FBLN1: variants seen among roughly 807,000 people sequenced by gnomAD.
FBLN1 encodes the protein fibulin 1.
Under a neutral mutation model 89.7 loss-of-function variants are expected in FBLN1, and 34 were observed. The ratio of observed to expected loss-of-function variants is 0.38; its 90% CI spans 0.29 to 0.50. FBLN1 has a LOEUF of 0.50. FBLN1 is among the 20% of genes least tolerant of loss of function. The pLI is 0.92. For synonymous variants in FBLN1, 393 were observed against 391.3 expected (o/e 1.00, Z -0.05); for missense variants, 777 against 988.1 (o/e 0.79, Z 2.86).
intron 16 of FBLN1, among the ~76,000 whole-genome samples, chr22:45,593,958 C>T (rs1323575299): frequency 6.6e-6 from 1 of 152,204 alleles, no homozygotes; most frequent in Non-Finnish European, 1.5e-5. Flanking sequence ...TGAGCGTCCC[C>T]TGCAATGAGC....
intron 2 of FBLN1, among the ~76,000 whole-genome samples, chr22:45,519,490 G>T (rs2088218765): frequency 6.6e-6 from 1 of 151,984 alleles, no homozygotes; most frequent in Non-Finnish European, 1.5e-5. Context: ...TGGGCGTGGT[G>T]GCATGCGCCT....
rs768588143 is a variant in FBLN1 at position 45,600,321 on chromosome 22, G to A, written c.1987G>A (p.Val663Met). 2 of 1,614,208 alleles carry A rather than the reference G, an allele frequency of 1.2e-6. No homozygotes were observed. The highest frequency in any genetic ancestry group is 2.2e-5 in the East Asian group (1 of 44,884). Residue 663 changes from valine to methionine, a missense_variant, in exon 17 of 17, where the codon GTG becomes ATG. Physicochemically the swap from Val to Met is conservative, Grantham distance 21. Coordinates refer to ENST00000327858, the MANE Select transcript of FBLN1 (RefSeq NM_006486.3). ...TCTCTCCGCAGGTGTCGTGCGCCAG[G>A]TGCGGCCCATCGTGGGCCCATTTCA... ...DGMTVGVVRQ[V>M]RPIVGPFHAV... is the part of the protein sequence containing the mutation.
intron 14 of FBLN1, among the ~76,000 whole-genome samples, chr22:45,573,696 A>AAAAAC (rs1380318945): frequency 1.3e-5 from 2 of 149,762 alleles, no homozygotes; most frequent in African/African-American, 2.4e-5. Flanking sequence ...AAAAAAAAAA[A>AAAAAC]AAAAACCCAA....
At position 45,531,364 on chromosome 22, in the gene FBLN1, A is replaced by G. The variant is rs1187562540; in HGVS notation, c.544+40A>G. 3 of 1,583,234 alleles carry G rather than the reference A, an allele frequency of 1.9e-6. No homozygotes were observed. Among genetic ancestry groups the G allele is most frequent in the Non-Finnish European group, 2.6e-6 (3 of 1,152,276 alleles). The stretch of plus-strand genomic sequence containing the variant: ...TCTCCCATCAGTTGGTATTTAAACA[A>G]ACCCCAAGGGGCCAGCAAGGTGGCT... On this transcript the variant is annotated intron_variant, in intron 5 of 16. Coordinates refer to ENST00000327858, the MANE Select transcript of FBLN1 (RefSeq NM_006486.3). The surrounding 1 kb of genome is among the most constrained non-coding windows in gnomAD (Gnocchi z 4.9).
chr22:45,549,072 G>A lies in FBLN1; in HGVS notation c.1573+328G>A, dbSNP rs1049651845. ...AACAGAGGCCTTTAGGAAGATGCCC[G>A]CCAGGGAGGAAGCAGTCCAGGCCAG... On this transcript the variant is annotated intron_variant, in intron 13 of 16. Transcript: ENST00000327858. The surrounding 1 kb of genome is among the most constrained non-coding windows in gnomAD (Gnocchi z 5.7). 3.9e-5 allele frequency among the ~76,000 whole-genome samples: 6 copies of A among 152,184 alleles called. No homozygotes were observed. The highest frequency in any genetic ancestry group is 7.4e-5 in the Non-Finnish European group (5 of 68,020).
intron 14 of FBLN1, among the ~76,000 whole-genome samples, chr22:45,560,651 C>G (rs903302112): frequency 2.6e-5 from 4 of 152,220 alleles, no homozygotes; most frequent in African/African-American, 9.6e-5. Flanking sequence ...TAATCCAACG[C>G]TATGTTCCTT....
At position 45,600,954 on chromosome 22, in the gene FBLN1, A is replaced by C. The variant is rs1318627920; in HGVS notation, c.*508A>C. On this transcript the variant is annotated 3_prime_UTR_variant, in exon 17 of 17. Coordinates refer to ENST00000327858, the MANE Select transcript of FBLN1 (RefSeq NM_006486.3). ...AGCATGACAGAATGCCTCGGGGAGC[A>C]CTTGGAAGGGAAATTGCAGTTCTGT... The C allele has an allele frequency of 1.6e-5, 3 of 185,602 alleles. No individual in the cohort carries two copies. Among genetic ancestry groups the C allele is most frequent in the African/African-American group, 7.2e-5 (3 of 41,862 alleles). The allele number at this position is 185,602 out of a possible 1,614,324, so 11.5% of individuals were successfully genotyped here. A position where few individuals can be genotyped will look rare whatever the true frequency, so the allele number is the denominator to read the frequency against.
At position 45,576,756 on chromosome 22, in the gene FBLN1, T is replaced by C. The variant is rs2089000616; in HGVS notation, c.1841-221T>C. ...AGGAAGATCCAAAATCTCTCCTGAC[T>C]TCAGTTTCCCCTGCTATAAAACAGG... On this transcript the variant is annotated intron_variant, in intron 15 of 16. Coordinates refer to ENST00000327858, the MANE Select transcript of FBLN1 (RefSeq NM_006486.3). The surrounding 1 kb of genome is among the most constrained non-coding windows in gnomAD (Gnocchi z 5.2). Among the ~76,000 whole-genome samples, 1 of 152,196 alleles carries C rather than the reference T, an allele frequency of 6.6e-6. No individual in the cohort carries two copies. The highest frequency in any genetic ancestry group is 1.5e-5 in the Non-Finnish European group (1 of 68,044).
chr22:45,527,735 T>G (rs2088348105), intron 3 of FBLN1, 112 bp from the exon 4 acceptor site: 1 of 1,103,514 alleles, frequency 9.1e-7, no homozygotes, highest in East Asian at 2.4e-5. Context: ...GAGTCATCAC[T>G]CTACAGGTTG....
chr22:45,571,729 A>T (rs1193420486), intron 14 of FBLN1, among the ~76,000 whole-genome samples: 1 of 152,194 alleles, frequency 6.6e-6, no homozygotes, highest in Non-Finnish European at 1.5e-5. Context: ...CTCTTGGTGT[A>T]TATTAGTTTT....
intron 2 of FBLN1, among the ~76,000 whole-genome samples, chr22:45,520,002 T>G (rs1433869477): frequency 6.6e-6 from 1 of 152,088 alleles, no homozygotes; most frequent in Non-Finnish European, 1.5e-5. Context: ...AAACCCCGTC[T>G]CTACTAAAAA....
intron 9 of FBLN1, 109 bp downstream of exon 9, chr22:45,541,481 T>C: frequency 7.2e-7 from 1 of 1,394,320 alleles, no homozygotes; most frequent in Non-Finnish European, 9.9e-7. Context: ...GCCATTTCTA[T>C]CAGCCCATCC....
intron 3 of FBLN1, among the ~76,000 whole-genome samples, chr22:45,527,386 C>T (rs2088343075): frequency 6.6e-6 from 1 of 152,144 alleles, no homozygotes; most frequent in South Asian, 2.1e-4. Flanking sequence ...CTGCCAGAAC[C>T]CCTCTAACTC....
rs763402145 is a variant in FBLN1 at position 45,576,943 on chromosome 22, G to A, written c.1841-34G>A. The A allele has an allele frequency of 4.3e-6, 7 of 1,612,340 alleles. No homozygotes were observed. The highest frequency in any genetic ancestry group is 3.3e-5 in the Admixed American group (2 of 60,018). On this transcript the variant is annotated intron_variant, in intron 15 of 16. Coordinates refer to ENST00000327858, the MANE Select transcript of FBLN1 (RefSeq NM_006486.3). This position sits in a 1 kb window ranked among gnomAD's most constrained non-coding sequence, Gnocchi z 5.2. ...CTGGGACTGGGGCTGGGGCCAGGCT[G>A]TGCTGAGCCCTTCTCCATTCTGTGC...
chr22:45,593,786 C>T (rs1400509849), intron 16 of FBLN1, among the ~76,000 whole-genome samples: 3 of 152,212 alleles, frequency 2.0e-5, no homozygotes, highest in Admixed American at 2.0e-4. Context: ...GACTGATTTT[C>T]CTTCTTCCTT....
Position 45,531,348 on chromosome 22 carries a change from A to G in FBLN1, c.544+24A>G. Reference sequence around the variant, plus strand: ...AGGTGAGACTCGGGCGTCTCCCATCAGTTGGTATTTAAACAAACCCCAAGG... The same window carrying G: ...AGGTGAGACTCGGGCGTCTCCCATCGGTTGGTATTTAAACAAACCCCAAGG... On this transcript the variant is annotated intron_variant, in intron 5 of 16. Coordinates refer to ENST00000327858, the MANE Select transcript of FBLN1 (RefSeq NM_006486.3). This position sits in a 1 kb window ranked among gnomAD's most constrained non-coding sequence, Gnocchi z 4.9. 1.2e-6 allele frequency: 2 copies of G among 1,611,022 alleles called. No homozygotes were observed. The highest frequency in any genetic ancestry group is 1.7e-6 in the Non-Finnish European group (2 of 1,177,344).
chr22:45,560,285 C>G (rs1338661836), intron 14 of FBLN1, among the ~76,000 whole-genome samples: 1 of 152,230 alleles, frequency 6.6e-6, no homozygotes, highest in Non-Finnish European at 1.5e-5. Context: ...ACTGTTAGAT[C>G]TGACATACCA....
At position 45,562,693 on chromosome 22, in the gene FBLN1, C is replaced by T. The variant is rs532775237; in HGVS notation, c.1698-11818C>T. 1.4e-4 allele frequency among the ~76,000 whole-genome samples: 22 copies of T among 152,206 alleles called. No individual in the cohort carries two copies. Among genetic ancestry groups the T allele is most frequent in the Non-Finnish European group, 2.6e-4 (18 of 68,032 alleles). On this transcript the variant is annotated intron_variant, in intron 14 of 16. Coordinates refer to ENST00000327858, the MANE Select transcript of FBLN1 (RefSeq NM_006486.3). The surrounding 1 kb of genome is among the most constrained non-coding windows in gnomAD (Gnocchi z 7.8). ...CTTTGGCCCCCGGCCACCCAGCGCC[C>T]GAGATGGTGTTGGAAGAGGCTAGTG...
In FBLN1 at chr22:45,537,750, G is replaced by C. The variant is rs1431876943; in HGVS notation, c.922+2413G>C. On this transcript the variant is annotated intron_variant, in intron 8 of 16. Coordinates refer to ENST00000327858, the MANE Select transcript of FBLN1 (RefSeq NM_006486.3). The surrounding 1 kb of genome is among the most constrained non-coding windows in gnomAD (Gnocchi z 5.7). ...TCCCCTGGGGGAGACTTCTGAGCTG[G>C]GGCGCTGTGGCTCAGCTGCCAGTTG... is the stretch of plus-strand genomic sequence containing the variant. Among the ~76,000 whole-genome samples the C allele has an allele frequency of 6.6e-6, 1 of 152,212 alleles. No individual in the cohort carries two copies. Among genetic ancestry groups the C allele is most frequent in the Non-Finnish European group, 1.5e-5 (1 of 68,038 alleles).
Sources: gnomAD v4.1 joint callset for allele counts (sites outside exome capture counted in the v4.1 genomes callset) on GRCh38, gnomAD v4.1.1 for gene constraint, Gnocchi (gnomAD v3.1) non-coding constraint, MANE v1.5 for transcripts, NCBI Gene and HGNC (gene_info 2026-07-23, HGNC 2026-07-21) for gene names.